Variants in CARF observed in about 807,000 individuals in gnomAD.
CARF encodes the protein calcium-responsive transcription factor.
In CARF, 57 loss-of-function variants were observed where a neutral mutation model predicts 82.0. The observed-to-expected ratio is 0.70, with a 90% CI of 0.56 to 0.87. The LOEUF is 0.87. Among genes scored for constraint, CARF ranks in the 40% least tolerant of loss-of-function variants. The pLI is 0.00. For missense variants in CARF, 771 were observed against 855.8 expected, an observed-to-expected ratio of 0.90 and a Z score of 1.24; for synonymous variants, 268 against 290.1, an observed-to-expected ratio of 0.92 and a Z score of 0.77.
In CARF at chr2:202,952,825, C is replaced by T. The variant is rs542014171; in HGVS notation, c.427+146C>T. The T allele has an allele frequency of 2.3e-4, 180 of 773,278 alleles. No homozygotes were observed. In the African/African-American group the frequency reaches 2.5e-3, roughly 11 times the overall value. The allele number at this position is 773,278 out of a possible 1,614,324, so 47.9% of individuals were successfully genotyped here. On this transcript the variant is annotated intron_variant, in intron 6 of 16. Coordinates refer to ENST00000438828, the MANE Select transcript of CARF (RefSeq NM_024744.17). ...AATAATTAGAAAACAGCTCTTTGCC[C>T]AAATAAATTCAAAGTTCATTTTTCA... is the stretch of plus-strand genomic sequence containing the variant.
rs1553584566 is a variant in CARF, at chr2:202,986,885, T to TAC, written c.*3262_*3263insCA. 7.2e-4 allele frequency: 68 copies of TAC among 94,354 alleles called. No individual in the cohort carries two copies. The highest frequency in any genetic ancestry group is 2.0e-3 in the African/African-American group (63 of 32,270). The allele number at this position is 94,354 out of a possible 1,614,324, so 5.8% of individuals were successfully genotyped here. ...GTCTGTGCGTATATATATATATATA[T>TAC]ATATATATATATATATATATATAGC... On this transcript the variant is annotated 3_prime_UTR_variant, in exon 17 of 17. Transcript: ENST00000438828.
chr2:202,961,164 C>A, intron 8 of CARF, 73 bp from the exon 9 acceptor site: 2 of 1,256,078 alleles, frequency 1.6e-6, no homozygotes, highest in Non-Finnish European at 2.2e-6. Flanking sequence ...CCATTTTGGA[C>A]AACCATCTCA....
At position 202,987,360 on chromosome 2, in the gene CARF, C is replaced by T. The variant is rs1296914483; in HGVS notation, c.*3736C>T. On this transcript the variant is annotated 3_prime_UTR_variant, in exon 17 of 17. Transcript: ENST00000438828. Reference sequence around the variant, plus strand: ...GGATTATTAATTTTTTCCCTCTTTGCTTTTTTTTAAACTTTATTCCACTCT... The same window carrying T: ...GGATTATTAATTTTTTCCCTCTTTGTTTTTTTTTAAACTTTATTCCACTCT... Among the ~76,000 whole-genome samples the T allele has an allele frequency of 6.7e-6, 1 of 150,102 alleles. No homozygotes were observed. The highest frequency in any genetic ancestry group is 2.5e-5 in the African/African-American group (1 of 40,794).
In CARF at chr2:202,984,168, C is replaced by A. The variant is rs1387909372; in HGVS notation, c.*544C>A. On this transcript the variant is annotated 3_prime_UTR_variant, in exon 17 of 17. Coordinates refer to ENST00000438828, the MANE Select transcript of CARF (RefSeq NM_024744.17). ...TGAAGTATTAGATTTTACATCATAA[C>A]ACAAAGTCCAGCAGCTACATCTGTG... 1.3e-5 allele frequency: 2 copies of A among 152,254 alleles called. No homozygotes were observed. Among genetic ancestry groups the A allele is most frequent in the African/African-American group, 4.8e-5 (2 of 41,448 alleles). The allele number at this position is 152,254 out of a possible 1,614,324, so 9.4% of individuals were successfully genotyped here.
chr2:202,918,619 G>C (rs1161657383), intron 2 of CARF, among the ~76,000 whole-genome samples: 3 of 152,110 alleles, frequency 2.0e-5, no homozygotes, highest in Admixed American at 2.0e-4. Context: ...AGCATATACT[G>C]ACATTCAGGA....
chr2:202,956,879 C>T (rs1163553353), intron 8 of CARF, among the ~76,000 whole-genome samples: 2 of 152,146 alleles, frequency 1.3e-5, no homozygotes, highest in African/African-American at 4.8e-5. Context: ...ACCTCCACCT[C>T]CCAGGTTCAA....
At position 202,928,084 on chromosome 2, in the gene CARF, T is replaced by C. The variant is rs76658243; in HGVS notation, c.-44+3669T>C. 5.9e-3 allele frequency among the ~76,000 whole-genome samples: 903 copies of C among 152,286 alleles called. 12 individuals carry two copies. Among genetic ancestry groups the C allele is most frequent in the African/African-American group, 0.02 (816 of 41,568 alleles). ...AGGCATGAGCAACCGCACTCTGTCC[T>C]AGCTGTACCTTTGTAACCATCAACC... On this transcript the variant is annotated intron_variant, in intron 3 of 16. Transcript: ENST00000438828.
At chr2:202,970,253 G>A (rs1327060970) in intron 11 of CARF, among the ~76,000 whole-genome samples, 191 bp downstream of exon 11, 3 of 152,098 alleles carry the variant, frequency 2.0e-5, no homozygotes, top group African/African-American at 7.2e-5. Flanking sequence ...TTAGCCCCAA[G>A]TTGTAGATAA....
chr2:202,975,567 A>G (rs559669911), intron 13 of CARF, among the ~76,000 whole-genome samples: 2 of 152,122 alleles, frequency 1.3e-5, no homozygotes, highest in Admixed American at 1.3e-4. Flanking sequence ...AGATAGCGCC[A>G]CTGCACTCCA....
intron 2 of CARF, among the ~76,000 whole-genome samples, chr2:202,922,904 A>G (rs1277096032): frequency 6.6e-6 from 1 of 151,914 alleles, no homozygotes; most frequent in Non-Finnish European, 1.5e-5. Flanking sequence ...TACCTAGAAA[A>G]CTCTAAAGAC....
At chr2:202,925,465 G>T in intron 3 of CARF, 1 of 271,848 alleles carries the variant, frequency 3.7e-6, no homozygotes, top group East Asian at 1.0e-4. Flanking sequence ...CAGCTGAGCT[G>T]AAACTGAAAG....
intron 12 of CARF, among the ~76,000 whole-genome samples, chr2:202,973,118 C>T (rs1303781588): frequency 1.3e-5 from 2 of 152,126 alleles, no homozygotes; most frequent in Non-Finnish European, 2.9e-5. Context: ...TATGTCCTTT[C>T]ACTTAAGGTC....
In CARF at chr2:202,974,496, G is replaced by A. The variant is rs746154605; in HGVS notation, c.1494G>A (p.Thr498=). The A allele has an allele frequency of 7.5e-6, 12 of 1,592,900 alleles. No homozygotes were observed. In the Admixed American group the frequency reaches 9.3e-5, roughly 12 times the overall value. Residue 498 remains threonine (T), a splice_region_variant and synonymous_variant, in exon 13 of 17, where the codon ACG becomes ACA. Coordinates refer to ENST00000438828, the MANE Select transcript of CARF (RefSeq NM_024744.17). ...TVYNSEIIPA[T]LQWTTDSGNI... is the part of the protein sequence containing the mutation. ...ATAACTCAGAGATTATTCCAGCAACGGTATGATTACAACCATAATTCCTTA... is the reference window on the plus strand; with the variant it reads ...ATAACTCAGAGATTATTCCAGCAACAGTATGATTACAACCATAATTCCTTA...
chr2:202,967,063 G>T lies in CARF; in HGVS notation c.918G>T (p.Arg306Ser). 6.2e-7 allele frequency: 1 copy of T among 1,614,060 alleles called. No homozygotes were observed. The highest frequency in any genetic ancestry group is 8.5e-7 in the Non-Finnish European group (1 of 1,179,986). The change falls in exon 10 of 17, where the codon AGG becomes AGT. Residue 306 changes from arginine to serine, a missense_variant. Transcript: ENST00000438828. Reference protein sequence around the residue: ...QLKKVSEQESRSCQLYKATCP... With the variant: ...QLKKVSEQESSSCQLYKATCP... ...AAAAAGTCAGTGAGCAGGAAAGCAG[G>T]TCTTGTCAGCTCTACAAAGCCACTT...
chr2:202,987,006 A>G lies in CARF; in HGVS notation c.*3382A>G, dbSNP rs1033992237. 4.7e-5 allele frequency: 7 copies of G among 147,750 alleles called. No individual in the cohort carries two copies. Among genetic ancestry groups the G allele is most frequent in the Non-Finnish European group, 1.0e-4 (7 of 66,982 alleles). 9.2% of individuals were successfully genotyped at this position (147,750 alleles called of 1,614,324 possible). On this transcript the variant is annotated 3_prime_UTR_variant, in exon 17 of 17. Coordinates refer to ENST00000438828, the MANE Select transcript of CARF (RefSeq NM_024744.17). ...TTAGTTTTCTTTTTATATTTTTCTT[A>G]GAGATAGTGGCAATTTTGTTCATCT...
At chr2:202,939,262 CCA>C (rs1015632495) in intron 3 of CARF, among the ~76,000 whole-genome samples, 8 of 152,140 alleles carry the variant, frequency 5.3e-5, no homozygotes, top group Non-Finnish European at 8.8e-5. Flanking sequence ...TTATGATTTT[CCA>C]CTTTATGATG....
intron 8 of CARF, among the ~76,000 whole-genome samples, chr2:202,958,590 C>T (rs1574684134): frequency 2.6e-5 from 4 of 151,962 alleles, no homozygotes; most frequent in South Asian, 4.2e-4. Flanking sequence ...GTTCTTTCTC[C>T]TCTCCCAAGC....
intron 2 of CARF, among the ~76,000 whole-genome samples, chr2:202,923,241 C>CA (rs959268200): frequency 2.6e-5 from 4 of 151,990 alleles, no homozygotes; most frequent in Non-Finnish European, 5.9e-5. Context: ...AACTCCATCT[C>CA]AAAAAACAAA....
At chr2:202,921,109 C>T (rs1690709582) in intron 2 of CARF, among the ~76,000 whole-genome samples, 1 of 152,192 alleles carries the variant, frequency 6.6e-6, no homozygotes, top group South Asian at 2.1e-4. Flanking sequence ...TCAAGCAATT[C>T]TCCCGCCTCA....
Sources: allele counts gnomAD v4.1 joint callset (sites outside exome capture counted in the v4.1 genomes callset), GRCh38; gene constraint gnomAD v4.1.1; transcripts MANE v1.5; gene names NCBI Gene and HGNC (gene_info 2026-07-23, HGNC 2026-07-21).